The following PRUNE2 variants were observed in gnomAD, a reference collection of about 807,000 sequenced individuals.
The protein encoded by PRUNE2 is prune homolog 2 with BCH domain.
A neutral mutation model predicts 252.0 loss-of-function variants in PRUNE2; 164 were observed. The ratio of observed to expected loss-of-function variants is 0.65; its 90% CI spans 0.57 to 0.74. PRUNE2 has a LOEUF of 0.74. Ranked by LOEUF, PRUNE2 falls within the 30% of genes least tolerant of loss-of-function variation. The pLI is 0.00. For missense variants in PRUNE2, 3,495 were observed against 3,711.0 expected (o/e 0.94, Z 1.51); for synonymous variants, 1,292 against 1,350.2 (o/e 0.96, Z 0.94).
At position 76,706,236 on chromosome 9, in the gene PRUNE2, A is replaced by G; in HGVS notation, c.6038T>C (p.Ile2013Thr). 6.2e-7 allele frequency: 1 copy of G among 1,613,998 alleles called. No homozygotes were observed. Among genetic ancestry groups the G allele is most frequent in the Non-Finnish European group, 8.5e-7 (1 of 1,179,884 alleles). Residue 2013 changes from isoleucine to threonine, a missense_variant, in exon 8 of 19, where the codon ATT becomes ACT. Ile to Thr is a moderately conservative substitution (Grantham distance 89). Transcript: ENST00000376718. ...SYLGEMTNSS[I>T]ATENFPAVSS... ...GACAGCAGGAAAATTTTCTGTGGCA[A>G]TGCTTGAATTTGTCATCTCACCTAG... is the stretch of plus-strand genomic sequence containing the variant.
In PRUNE2 at chr9:76,705,282, G is replaced by T. The variant is rs558485208; in HGVS notation, c.6992C>A (p.Thr2331Lys). The T allele has an allele frequency of 1.2e-6, 2 of 1,613,984 alleles. No homozygotes were observed. Among genetic ancestry groups the T allele is most frequent in the Non-Finnish European group, 1.7e-6 (2 of 1,179,890 alleles). Residue 2331 changes from threonine (T) to lysine (K), a missense_variant, in exon 8 of 19, where the codon ACG becomes AAG. Coordinates refer to ENST00000376718, the MANE Select transcript of PRUNE2 (RefSeq NM_015225.3). ...CTTCCCTAGGTCCCCATCAACTGGC[G>T]TTTCCGGATGGCCTTCGGATAATGT... ...KLTLSEGHPETPVDGDLGKQD... is the reference protein window; with the variant it reads ...KLTLSEGHPEKPVDGDLGKQD...
chr9:76,752,372 C>T (rs963125069), intron 6 of PRUNE2, among the ~76,000 whole-genome samples: 34 of 152,266 alleles, frequency 2.2e-4, no homozygotes, highest in Non-Finnish European at 3.8e-4. Flanking sequence ...GCTGGGATTA[C>T]AGGCGTGAGC....
In PRUNE2 at chr9:76,723,217, T is replaced by C. The variant is rs528251744; in HGVS notation, c.757-9496A>G. Among the ~76,000 whole-genome samples, 232 of 152,320 alleles carry C rather than the reference T, an allele frequency of 1.5e-3. 3 individuals are homozygous for C. The Middle Eastern group carries it at 0.017, about 11-fold the overall frequency. ...GATATTCTTGCAGTAGTATGTACTT[T>C]TGAAAAGTTGGGCATGCAAGTGTAC... On this transcript the variant is annotated intron_variant, in intron 6 of 18. Transcript: ENST00000376718.
At chr9:76,770,258 T>G in intron 6 of PRUNE2, among the ~76,000 whole-genome samples, 2 of 152,286 alleles carry the variant, frequency 1.3e-5, no homozygotes, top group South Asian at 4.1e-4. Context: ...GTGTTTATTT[T>G]AGTTTCAACA....
At chr9:76,869,490 T>C (rs940425764) in intron 1 of PRUNE2, among the ~76,000 whole-genome samples, 6 of 152,182 alleles carry the variant, frequency 3.9e-5, no homozygotes, top group Non-Finnish European at 7.3e-5. Flanking sequence ...TCAAAATATT[T>C]TGCAAAATAG....
chr9:76,855,080 A>ATAT (rs1207880937), intron 1 of PRUNE2, among the ~76,000 whole-genome samples: 15 of 126,706 alleles, frequency 1.2e-4, no homozygotes, highest in East Asian at 6.7e-4. Flanking sequence ...AAAAAAAAAA[A>ATAT]AAATATATAT....
intron 9 of PRUNE2, among the ~76,000 whole-genome samples, chr9:76,678,572 A>C (rs1206277713): frequency 6.6e-6 from 1 of 152,168 alleles, no homozygotes; most frequent in East Asian, 1.9e-4. Context: ...GCACACGCCT[A>C]TAATCCCAGC....
chr9:76,721,149 T>C (rs2047615553), intron 6 of PRUNE2, among the ~76,000 whole-genome samples: 1 of 152,220 alleles, frequency 6.6e-6, no homozygotes, highest in South Asian at 2.1e-4. Context: ...TTTATCTCAT[T>C]ATCAAATTTT....
Position 76,705,996 on chromosome 9 carries a change from C to A in PRUNE2, c.6278G>T (p.Cys2093Phe). 6.2e-7 allele frequency: 1 copy of A among 1,614,036 alleles called. No homozygotes were observed. Among genetic ancestry groups the A allele is most frequent in the Non-Finnish European group, 8.5e-7 (1 of 1,179,892 alleles). Residue 2093 changes from cysteine (C) to phenylalanine (F), a missense_variant, in exon 8 of 19, where the codon TGC becomes TTC. Physicochemically the swap from Cys to Phe is radical, Grantham distance 205. Coordinates refer to ENST00000376718, the MANE Select transcript of PRUNE2 (RefSeq NM_015225.3). ...AGCCTGAGAATTGCTGTCATGTTCG[C>A]AGTGCGTCAGGATATCAGGATTCTC... Reference protein sequence around the residue: ...DGENPDILTHCEHDSNSQASD... With the variant: ...DGENPDILTHFEHDSNSQASD...
intron 6 of PRUNE2, among the ~76,000 whole-genome samples, chr9:76,726,996 C>A (rs7044286): frequency 6.6e-6 from 1 of 152,074 alleles, no homozygotes; most frequent in Non-Finnish European, 1.5e-5. Flanking sequence ...CAGAAAAAAA[C>A]CTAAATTCGT....
chr9:76,824,919 A>G (rs545041220), intron 5 of PRUNE2, among the ~76,000 whole-genome samples: 1 of 152,370 alleles, frequency 6.6e-6, no homozygotes, highest in African/African-American at 2.4e-5. Flanking sequence ...TGTCATTGTG[A>G]AAATGAATGA....
intron 9 of PRUNE2, chr9:76,692,349 T>C (rs930032217): frequency 1.1e-5 from 6 of 530,722 alleles, no homozygotes; most frequent in Admixed American, 3.5e-5. Context: ...AAAAATGCTC[T>C]TTAATTTTTA....
chr9:76,630,742 G>A (rs548717772), intron 15 of PRUNE2, among the ~76,000 whole-genome samples: 21 of 152,296 alleles, frequency 1.4e-4, no homozygotes, highest in South Asian at 4.1e-4. Context: ...TAGCCAGGAT[G>A]GTCTCCATCT....
chr9:76,780,069 T>C (rs2054204342), intron 6 of PRUNE2, among the ~76,000 whole-genome samples: 1 of 152,212 alleles, frequency 6.6e-6, no homozygotes, highest in Admixed American at 6.5e-5. Context: ...TTCTTAAGGA[T>C]TTGTCTTTGT....
intron 6 of PRUNE2, among the ~76,000 whole-genome samples, chr9:76,792,727 T>C (rs1286307613): frequency 6.6e-6 from 1 of 152,250 alleles, no homozygotes; most frequent in African/African-American, 2.4e-5. Flanking sequence ...AAATGAAAGA[T>C]TTAGCTATGT....
intron 17 of PRUNE2, among the ~76,000 whole-genome samples, chr9:76,619,879 C>A (rs1174074575): frequency 6.6e-6 from 1 of 152,190 alleles, no homozygotes; most frequent in African/African-American, 2.4e-5. Flanking sequence ...AATAACAGGA[C>A]ACTTACCACT....
intron 9 of PRUNE2, among the ~76,000 whole-genome samples, chr9:76,691,645 C>G (rs749024352): frequency 3.9e-5 from 6 of 152,310 alleles, no homozygotes; most frequent in South Asian, 2.1e-4. Context: ...AAATGCCTCT[C>G]TACCAGAGCT....
intron 6 of PRUNE2, among the ~76,000 whole-genome samples, chr9:76,813,049 A>G (rs534890652): frequency 1.1e-4 from 17 of 152,332 alleles, no homozygotes; most frequent in African/African-American, 4.1e-4. Context: ...ACATCTGTAC[A>G]GTAGAAAGGC....
intron 6 of PRUNE2, among the ~76,000 whole-genome samples, chr9:76,728,616 C>T (rs1190268150): frequency 6.6e-6 from 1 of 152,206 alleles, no homozygotes; most frequent in Non-Finnish European, 1.5e-5. Flanking sequence ...AATATAAATT[C>T]CAAAAACTTG....
Sources: gnomAD v4.1 joint callset for allele counts (sites outside exome capture counted in the v4.1 genomes callset) on GRCh38, gnomAD v4.1.1 for gene constraint, MANE v1.5 for transcripts, NCBI Gene and HGNC (gene_info 2026-07-23, HGNC 2026-07-21) for gene names.